Variants in MSRA observed in about 807,000 individuals in gnomAD.
MSRA encodes mitochondrial peptide methionine sulfoxide reductase.
In MSRA, 54 loss-of-function variants were observed where a neutral mutation model predicts 31.3. The ratio of observed to expected loss-of-function variants is 1.73; its 90% CI spans 1.39 to 2.17. The LOEUF (loss-of-function observed/expected upper bound fraction) is 2.17, where lower values mean the gene tolerates loss of function less well. Among genes scored for constraint, MSRA ranks in the 30% most tolerant of loss-of-function variants. The probability of loss-of-function intolerance (pLI) is 0.00; values close to 1 mark genes in which losing one functional copy is unlikely to be tolerated. For missense variants in MSRA, 507 were observed against 300.9 expected (o/e 1.69, Z -5.07); for synonymous variants, 169 against 116.5 (o/e 1.45, Z -2.90).
chr8:10,056,423 T>C (rs894492637), intron 1 of MSRA, among the ~76,000 whole-genome samples: 2 of 152,116 alleles, frequency 1.3e-5, no homozygotes, highest in African/African-American at 2.4e-5. Flanking sequence ...AACTTTTAAC[T>C]GCAAAACCTC....
intron 1 of MSRA, among the ~76,000 whole-genome samples, chr8:10,099,922 C>A (rs1321690603): frequency 6.6e-6 from 1 of 152,168 alleles, no homozygotes; most frequent in Admixed American, 6.5e-5. Context: ...GTGGCCTGAG[C>A]ATGCAGCAGG....
intron 5 of MSRA, among the ~76,000 whole-genome samples, chr8:10,426,548 C>G (rs553933318): frequency 6.6e-6 from 1 of 152,204 alleles, no homozygotes; most frequent in Non-Finnish European, 1.5e-5. Flanking sequence ...TCTTCTTTTA[C>G]GTAGCCTGCC....
At chr8:10,205,322 C>G (rs757587613) in intron 1 of MSRA, among the ~76,000 whole-genome samples, 4 of 151,638 alleles carry the variant, frequency 2.6e-5, no homozygotes, top group African/African-American at 4.9e-5. Context: ...GGGGATGCTA[C>G]AGGTGTCTGG....
At chr8:10,119,783 C>T (rs1370309696) in intron 1 of MSRA, among the ~76,000 whole-genome samples, 1 of 152,094 alleles carries the variant, frequency 6.6e-6, no homozygotes, top group African/African-American at 2.4e-5. Context: ...GGTTATCTCT[C>T]TGGTGTACAA....
chr8:10,211,329 G>C (rs781735896), intron 2 of MSRA, among the ~76,000 whole-genome samples: 1 of 152,128 alleles, frequency 6.6e-6, no homozygotes, highest in Non-Finnish European at 1.5e-5. Context: ...CCAACAGTTA[G>C]TTTTTCTCCT....
intron 1 of MSRA, among the ~76,000 whole-genome samples, chr8:10,108,482 C>G (rs560069803): frequency 6.6e-6 from 1 of 152,194 alleles, no homozygotes; most frequent in African/African-American, 2.4e-5. Context: ...CTGCTGGTTC[C>G]TCTCTTCCAC....
intron 1 of MSRA, among the ~76,000 whole-genome samples, chr8:10,075,045 C>T (rs7836284): frequency 0.028 from 4,190 of 152,276 alleles, 197 homozygotes; most frequent in African/African-American, 0.095. Flanking sequence ...GAATTGCTAG[C>T]ATTTATTTTC....
At chr8:10,215,528 C>T (rs1466921081) in intron 2 of MSRA, among the ~76,000 whole-genome samples, 1 of 152,202 alleles carries the variant, frequency 6.6e-6, no homozygotes, top group Non-Finnish European at 1.5e-5. Context: ...TCACTAGGCT[C>T]TATGGGATCC....
chr8:10,271,795 C>T (rs942988594), intron 3 of MSRA, among the ~76,000 whole-genome samples: 5 of 151,380 alleles, frequency 3.3e-5, no homozygotes, highest in Admixed American at 1.3e-4. Flanking sequence ...CTTGGCTCAC[C>T]GCAACCTCGG....
chr8:10,259,131 A>G (rs1239089375), intron 3 of MSRA, among the ~76,000 whole-genome samples: 4 of 151,868 alleles, frequency 2.6e-5, no homozygotes, highest in Admixed American at 6.6e-5. Context: ...AGGCAGATAT[A>G]TATGTTCATC....
At chr8:10,081,914 A>C (rs1049779774) in intron 1 of MSRA, among the ~76,000 whole-genome samples, 2 of 152,094 alleles carry the variant, frequency 1.3e-5, no homozygotes, top group Non-Finnish European at 2.9e-5. Flanking sequence ...TTTCTATCAA[A>C]ACCTCATCCA....
chr8:10,235,461 A>G (rs1398335625), intron 2 of MSRA, among the ~76,000 whole-genome samples: 1 of 152,144 alleles, frequency 6.6e-6, no homozygotes, highest in African/African-American at 2.4e-5. Flanking sequence ...AAATAAGCTA[A>G]TAATTCATAT....
At chr8:10,328,173 T>C (rs980772480) in intron 5 of MSRA, among the ~76,000 whole-genome samples, 1 of 151,400 alleles carries the variant, frequency 6.6e-6, no homozygotes, top group Admixed American at 6.6e-5. Flanking sequence ...GTCAACGTAA[T>C]GCTTTCTAAA....
intron 5 of MSRA, among the ~76,000 whole-genome samples, chr8:10,392,751 T>TA (rs1435220009): frequency 2.7e-5 from 4 of 149,206 alleles, no homozygotes; most frequent in South Asian, 2.1e-4. Flanking sequence ...ATTCCCATAC[T>TA]AAAAAAAATG....
chr8:10,394,159 A>G (rs970884832), intron 5 of MSRA, among the ~76,000 whole-genome samples: 3 of 152,208 alleles, frequency 2.0e-5, no homozygotes, highest in Admixed American at 1.3e-4. Flanking sequence ...CCTCATTGTG[A>G]TGAGTTTTTC....
At position 10,376,831 on chromosome 8, in the gene MSRA, A is replaced by T. The variant is rs533643942; in HGVS notation, c.544-51317A>T. The stretch of plus-strand genomic sequence containing the variant: ...CATAAAGAGATTTTCATCTAGTGAA[A>T]GCAAGTATTCCTGGGCATAGCCACA... On this transcript the variant is annotated intron_variant, in intron 5 of 5. Transcript: ENST00000317173. Among the ~76,000 whole-genome samples, 5 of 152,364 alleles carry T rather than the reference A, an allele frequency of 3.3e-5. No homozygotes were observed. The South Asian group carries it at 1.0e-3, about 32-fold the overall frequency.
intron 5 of MSRA, among the ~76,000 whole-genome samples, chr8:10,417,754 T>TTTGTGTGTGTGTGTG (rs1808557956): frequency 7.7e-6 from 1 of 129,842 alleles, no homozygotes; most frequent in Middle Eastern, 3.4e-3. Flanking sequence ...AACCTGCATG[T>TTTGTGTGTGTGTGTG]TGTGTGTGTG....
chr8:10,079,076 C>A (rs1184001241), intron 1 of MSRA, among the ~76,000 whole-genome samples: 1 of 152,142 alleles, frequency 6.6e-6, no homozygotes, highest in Non-Finnish European at 1.5e-5. Context: ...GCTTCCCCAT[C>A]CCGCAGAGTT....
At chr8:10,116,766 G>C (rs1800715821) in intron 1 of MSRA, among the ~76,000 whole-genome samples, 1 of 152,134 alleles carries the variant, frequency 6.6e-6, no homozygotes, top group African/African-American at 2.4e-5. Context: ...TTGGGAGTGT[G>C]AGACCAGCCT....
Sources: allele counts gnomAD v4.1 joint callset (sites outside exome capture counted in the v4.1 genomes callset), GRCh38; gene constraint gnomAD v4.1.1; transcripts MANE v1.5; gene names NCBI Gene and HGNC (gene_info 2026-07-23, HGNC 2026-07-21).